Variants in CFAP20DC observed in about 807,000 individuals in gnomAD.
The protein encoded by CFAP20DC is CFAP20 domain containing.
In CFAP20DC, 84 loss-of-function variants were observed where a neutral mutation model predicts 101.7. The ratio of observed to expected loss-of-function variants is 0.83; its 90% CI spans 0.69 to 0.99. The LOEUF is 0.99. CFAP20DC is among the 50% of genes least tolerant of loss of function. The pLI, the probability that CFAP20DC is intolerant of heterozygous loss-of-function variation, is 0.00. For synonymous variants in CFAP20DC, 359 were observed against 351.2 expected, an observed-to-expected ratio of 1.02 and a Z score of -0.25; for missense variants, 1,007 against 970.3, an observed-to-expected ratio of 1.04 and a Z score of -0.50.
intron 12 of CFAP20DC, among the ~76,000 whole-genome samples, chr3:58,856,671 T>C (rs1200501531): frequency 6.6e-6 from 1 of 152,184 alleles, no homozygotes; most frequent in African/African-American, 2.4e-5. Context: ...GAGTGGTGAC[T>C]CTTGCAATTT....
At chr3:59,013,969 G>A (rs1011156060) in intron 4 of CFAP20DC, among the ~76,000 whole-genome samples, 2 of 152,138 alleles carry the variant, frequency 1.3e-5, no homozygotes, top group Admixed American at 6.5e-5. Flanking sequence ...ATTCAATGAC[G>A]TATGGAAGGA....
At chr3:59,025,493 G>A (rs1466965520) in intron 4 of CFAP20DC, among the ~76,000 whole-genome samples, 1 of 152,074 alleles carries the variant, frequency 6.6e-6, no homozygotes, top group Non-Finnish European at 1.5e-5. Context: ...TATATTTAAA[G>A]AATATAAAAC....
intron 12 of CFAP20DC, among the ~76,000 whole-genome samples, chr3:58,855,277 C>G (rs1440910583): frequency 1.3e-5 from 2 of 152,080 alleles, no homozygotes; most frequent in African/African-American, 4.8e-5. Flanking sequence ...CAACTCAGAA[C>G]CACAATGAGA....
chr3:58,874,351 C>T lies in CFAP20DC; in HGVS notation c.716-4042G>A, dbSNP rs1559748430. Among the ~76,000 whole-genome samples, 2 of 152,162 alleles carry T rather than the reference C, an allele frequency of 1.3e-5. No homozygotes were observed. The highest frequency in any genetic ancestry group is 6.5e-5 in the Admixed American group (1 of 15,282). ...TGACTTACTGTGTCCACGCTGGTGC[C>T]CCATGCCATCCCTCCTCCAAAATGC... On this transcript the variant is annotated intron_variant, in intron 7 of 16. Coordinates refer to ENST00000482387, the MANE Select transcript of CFAP20DC (RefSeq NM_001394063.1). This position sits in a 1 kb window ranked among gnomAD's most constrained non-coding sequence, Gnocchi z 5.1.
At chr3:58,986,040 A>G (rs2092738579) in intron 4 of CFAP20DC, among the ~76,000 whole-genome samples, 1 of 152,196 alleles carries the variant, frequency 6.6e-6, no homozygotes, top group Admixed American at 6.5e-5. Context: ...TTGGCTAACC[A>G]TTTGTTTTCC....
intron 15 of CFAP20DC, among the ~76,000 whole-genome samples, chr3:58,763,925 A>G (rs58715493): frequency 0.083 from 12,633 of 152,228 alleles, 894 homozygotes; most frequent in East Asian, 0.35. Flanking sequence ...ATACCTGGCC[A>G]TGTGAGGTGT....
chr3:59,023,950 C>T lies in CFAP20DC; in HGVS notation c.278+15607G>A, dbSNP rs115474893. On this transcript the variant is annotated intron_variant, in intron 4 of 16. Transcript: ENST00000482387. ...ATAAACATTTTCATCCCAAAATGTA[C>T]ATAAGATTGAAAAAAGGGAGGATGA... Among the ~76,000 whole-genome samples the T allele has an allele frequency of 2.7e-3, 407 of 151,994 alleles. 5 individuals carry two copies. Among genetic ancestry groups the T allele is most frequent in the African/African-American group, 8.7e-3 (363 of 41,490 alleles).
chr3:58,850,997 G>T (rs767806996), intron 12 of CFAP20DC, among the ~76,000 whole-genome samples: 1 of 151,490 alleles, frequency 6.6e-6, no homozygotes, highest in Non-Finnish European at 1.5e-5. Flanking sequence ...AGTTGGGCAG[G>T]GGACAAGGGA....
At chr3:58,760,769 C>T (rs1401509313) in intron 15 of CFAP20DC, among the ~76,000 whole-genome samples, 6 of 152,104 alleles carry the variant, frequency 3.9e-5, no homozygotes, top group African/African-American at 1.2e-4. Context: ...TGTCAAAGGA[C>T]TTTTCTGCAT....
intron 14 of CFAP20DC, among the ~76,000 whole-genome samples, chr3:58,815,951 G>C (rs1341889856): frequency 6.6e-6 from 1 of 151,592 alleles, no homozygotes; most frequent in Non-Finnish European, 1.5e-5. Flanking sequence ...AGTCAGTGTG[G>C]CGACTCCTCA....
Position 58,913,915 on chromosome 3 carries a change from A to G in CFAP20DC, c.394-51T>C. ...GTAAGGACCTTTCATCAACACATAA[A>G]TGAACAAACCATCTATATGTAGACA... On this transcript the variant is annotated intron_variant, in intron 5 of 16. Transcript: ENST00000482387. The surrounding 1 kb of genome is among the most constrained non-coding windows in gnomAD (Gnocchi z 4.4). The G allele has an allele frequency of 6.3e-7, 1 of 1,581,552 alleles. No homozygotes were observed. The highest frequency in any genetic ancestry group is 2.2e-5 in the East Asian group (1 of 44,628).
chr3:59,044,980 T>C (rs1699728010), intron 3 of CFAP20DC, among the ~76,000 whole-genome samples: 1 of 147,732 alleles, frequency 6.8e-6, no homozygotes, highest in Non-Finnish European at 1.5e-5. Flanking sequence ...AAAAACCTCC[T>C]ATTACAGACA....
intron 4 of CFAP20DC, chr3:58,953,382 A>G (rs927825225): frequency 6.6e-6 from 1 of 152,158 alleles, no homozygotes; most frequent in South Asian, 2.1e-4. Flanking sequence ...GTTTGCACAA[A>G]ATAGTTCTCA....
chr3:58,969,624 T>C (rs974568220), intron 4 of CFAP20DC, among the ~76,000 whole-genome samples: 15 of 152,244 alleles, frequency 9.9e-5, no homozygotes, highest in African/African-American at 3.4e-4. Context: ...ATACAATGTA[T>C]TATTCTTCAG....
In CFAP20DC at chr3:58,799,277, C is replaced by T. The variant is rs115017787; in HGVS notation, c.2237+7118G>A. On this transcript the variant is annotated intron_variant, in intron 15 of 16. Transcript: ENST00000482387. The surrounding 1 kb of genome is among the most constrained non-coding windows in gnomAD (Gnocchi z 4.9). The stretch of plus-strand genomic sequence containing the variant: ...AGCAACTGCCAGTAAGAATACAGGG[C>T]GAACACACTAATTCAATTTTAGAAA... Among the ~76,000 whole-genome samples the T allele has an allele frequency of 0.012, 1,840 of 151,932 alleles. 41 individuals are homozygous for T. Among genetic ancestry groups the T allele is most frequent in the African/African-American group, 0.043 (1,773 of 41,400 alleles).
chr3:58,867,794 A>G, intron 10 of CFAP20DC, 23 bp downstream of exon 10: 1 of 1,613,020 alleles, frequency 6.2e-7, no homozygotes. Flanking sequence ...CAGATATAAG[A>G]TAGGATTGAA....
At chr3:58,972,275 T>C (rs572873416) in intron 4 of CFAP20DC, among the ~76,000 whole-genome samples, 3 of 152,248 alleles carry the variant, frequency 2.0e-5, no homozygotes, top group South Asian at 2.1e-4. Context: ...AATTTACTTA[T>C]AGTGGTTTAT....
At chr3:58,949,843 C>G (rs1234136079) in intron 4 of CFAP20DC, among the ~76,000 whole-genome samples, 1 of 152,162 alleles carries the variant, frequency 6.6e-6, no homozygotes, top group African/African-American at 2.4e-5. Context: ...TGGAAGCATT[C>G]CCTTTGAAAA....
chr3:58,872,571 A>AC (rs1020728329), intron 7 of CFAP20DC, among the ~76,000 whole-genome samples: 24 of 152,284 alleles, frequency 1.6e-4, no homozygotes, highest in African/African-American at 5.1e-4. Context: ...TTTTTGCTGA[A>AC]CAGGAGACAT....
Sources: allele counts gnomAD v4.1 joint callset (sites outside exome capture counted in the v4.1 genomes callset), GRCh38; gene constraint gnomAD v4.1.1; non-coding constraint Gnocchi (gnomAD v3.1); transcripts MANE v1.5; gene names NCBI Gene and HGNC (gene_info 2026-07-23, HGNC 2026-07-21).